LUC7L2: variants seen among roughly 807,000 people sequenced by gnomAD.
LUC7L2 encodes the protein LUC7 like 2, pre-mRNA splicing factor, also known as putative RNA-binding protein Luc7-like 2.
LUC7L2 carries 25 observed loss-of-function variants against 52.8 expected under a neutral mutation model. The observed-to-expected ratio is 0.47, with a 90% CI of 0.34 to 0.66. LUC7L2 has a LOEUF of 0.66. Among genes scored for constraint, LUC7L2 ranks in the 30% least tolerant of loss-of-function variants. LUC7L2 has a pLI of 0.01. For synonymous variants in LUC7L2, 144 were observed against 160.9 expected (o/e 0.89, Z 0.80); for missense variants, 328 against 497.8 (o/e 0.66, Z 3.25).
chr7:139,421,717 A>ATT, intron 9 of LUC7L2, among the ~76,000 whole-genome samples: 1 of 152,366 alleles, frequency 6.6e-6, no homozygotes, highest in East Asian at 1.9e-4. Flanking sequence ...TGGTTTTTAC[A>ATT]TTCTAAAAAG....
chr7:139,367,087 C>T (rs7799598), intron 1 of LUC7L2, among the ~76,000 whole-genome samples: 58,528 of 151,924 alleles, frequency 0.39, 15,753 homozygotes, highest in African/African-American at 0.77. Flanking sequence ...GGCGATTACC[C>T]TAGCTTCCCG....
chr7:139,348,216 T>A (rs931126651), intron 1 of LUC7L2, among the ~76,000 whole-genome samples: 12 of 117,484 alleles, frequency 1.0e-4, no homozygotes, highest in African/African-American at 5.5e-4. Context: ...CTTTTTTTTT[T>A]AATAGAGATG....
chr7:139,377,447 G>A (rs146442440), intron 2 of LUC7L2, among the ~76,000 whole-genome samples: 238 of 152,132 alleles, frequency 1.6e-3, no homozygotes, highest in African/African-American at 5.3e-3. Flanking sequence ...AAGCTGGAGT[G>A]CGGTGGCATG....
At chr7:139,397,806 A>G (rs150279726) in intron 2 of LUC7L2, among the ~76,000 whole-genome samples, 65 of 152,260 alleles carry the variant, frequency 4.3e-4, no homozygotes, top group Admixed American at 2.0e-3. Flanking sequence ...AATAACACCT[A>G]ATTGGAATTT....
intron 2 of LUC7L2, among the ~76,000 whole-genome samples, chr7:139,376,657 A>G (rs748790229): frequency 1.5e-4 from 23 of 152,228 alleles, no homozygotes; most frequent in South Asian, 6.2e-4. Context: ...TTTAGATTCT[A>G]TGTCTGCAGA....
intron 2 of LUC7L2, among the ~76,000 whole-genome samples, chr7:139,395,837 G>A (rs1331204776): frequency 6.6e-6 from 1 of 151,970 alleles, no homozygotes; most frequent in Non-Finnish European, 1.5e-5. Context: ...TTGTAGAGAC[G>A]GGGTTTTCTT....
At chr7:139,412,827 A>T (rs1220393682) in intron 8 of LUC7L2, 8 of 48,090 alleles carry the variant, frequency 1.7e-4, no homozygotes, top group Non-Finnish European at 2.9e-4. Flanking sequence ...TCTGTCTTTA[A>T]AAAAAAAAAA....
At position 139,398,561 on chromosome 7, in the gene LUC7L2, T is replaced by C. The variant is rs1417651855; in HGVS notation, c.157-38T>C. ...TTGTTGAAGCATTTTTTAAAAAACT[T>C]TTTTTTGTTTTAATATTATGTCTTT... On this transcript the variant is annotated intron_variant, in intron 2 of 9. Transcript: ENST00000354926. 3.2e-6 allele frequency: 5 copies of C among 1,544,490 alleles called. No individual in the cohort carries two copies. The East Asian group carries it at 1.2e-4, about 36-fold the overall frequency.
In LUC7L2 at chr7:139,398,671, G is replaced by C; in HGVS notation, c.229G>C (p.Glu77Gln). The C allele has an allele frequency of 1.2e-6, 2 of 1,611,728 alleles. No homozygotes were observed. The highest frequency in any genetic ancestry group is 1.7e-6 in the Non-Finnish European group (2 of 1,179,248). Residue 77 changes from glutamate (E) to glutamine (Q), a missense_variant, in exon 3 of 10, where the codon GAA becomes CAA. By Grantham distance (29) the Glu-to-Gln change is conservative. Transcript: ENST00000354926. ...AGCGGATTATGAAATTGCATCCAAA[G>C]AACAAGATTTTTTCTTTGAACTTGA... Reference protein sequence around the residue: ...LRADYEIASKEQDFFFELDAM... With the variant: ...LRADYEIASKQQDFFFELDAM...
rs1795959363 is a variant in LUC7L2, at chr7:139,422,852, T to A, written c.*512T>A. 2.5e-6 allele frequency: 1 copy of A among 399,116 alleles called. No individual in the cohort carries two copies. 24.7% of individuals were successfully genotyped at this position (399,116 alleles called of 1,614,324 possible). On this transcript the variant is annotated 3_prime_UTR_variant, in exon 10 of 10. Coordinates refer to ENST00000354926, the MANE Select transcript of LUC7L2 (RefSeq NM_016019.5). ...TACTAGCTGATTACAGTTCAGAGCA[T>A]TGATCCTGGAATGTGTGCTGGAGAA...
intron 2 of LUC7L2, among the ~76,000 whole-genome samples, chr7:139,396,188 C>G (rs1794657240): frequency 6.6e-6 from 1 of 151,968 alleles, no homozygotes; most frequent in African/African-American, 2.4e-5. Context: ...TACCTGTAAT[C>G]CAGCATTGGG....
chr7:139,370,664 A>G (rs1322927551), intron 1 of LUC7L2, among the ~76,000 whole-genome samples: 1 of 152,188 alleles, frequency 6.6e-6, no homozygotes, highest in East Asian at 1.9e-4. Context: ...CATGTTAGCC[A>G]GGCTGGCCTT....
intron 1 of LUC7L2, among the ~76,000 whole-genome samples, chr7:139,363,671 G>A (rs981986520): frequency 8.5e-5 from 13 of 152,134 alleles, no homozygotes; most frequent in African/African-American, 2.9e-4. Context: ...TGTTAGCAGA[G>A]GGGAGAGGGA....
At chr7:139,362,622 CTTTT>C (rs79177935) in intron 1 of LUC7L2, among the ~76,000 whole-genome samples, 1 of 114,444 alleles carries the variant, frequency 8.7e-6, no homozygotes. Context: ...CAACTCTGTC[CTTTT>C]TTTTTTTTTT....
chr7:139,398,767 C>A (rs1351451106), intron 3 of LUC7L2, 70 bp downstream of exon 3: 2 of 1,421,186 alleles, frequency 1.4e-6, no homozygotes, highest in Non-Finnish European at 1.9e-6. Flanking sequence ...GGATTAAGAT[C>A]TCTTAATAGG....
Position 139,417,639 on chromosome 7 carries a change from G to A in LUC7L2, c.911G>A (p.Arg304Lys), listed in dbSNP as rs1795681717. ...SKSREKRHRH[R>K]SRSSSRSRSR... ...TCTCGGGAGAAACGCCATCGCCACA[G>A]GTCCCGCTCCAGCAGCCGTAGCCGC... The change falls in exon 9 of 10, where the codon AGG becomes AAG. Residue 304 changes from arginine (R) to lysine (K), a missense_variant. Physicochemically the swap from Arg to Lys is conservative, Grantham distance 26. This residue lies in a region of LUC7L2 where 195 missense variants were observed against 223.3 expected (regional missense o/e 0.87). Transcript: ENST00000354926. 6.2e-7 allele frequency: 1 copy of A among 1,614,064 alleles called. No individual in the cohort carries two copies. Among genetic ancestry groups the A allele is most frequent in the African/African-American group, 1.3e-5 (1 of 74,930 alleles).
intron 1 of LUC7L2, among the ~76,000 whole-genome samples, chr7:139,360,730 C>T (rs1337812233): frequency 6.6e-6 from 1 of 152,194 alleles, no homozygotes; most frequent in Non-Finnish European, 1.5e-5. Context: ...TCCCTCGCCG[C>T]CGTCCTCCAG....
chr7:139,389,332 C>A (rs1794331191), intron 2 of LUC7L2, among the ~76,000 whole-genome samples: 1 of 152,166 alleles, frequency 6.6e-6, no homozygotes. Context: ...ACCATCTAGT[C>A]AGAGGCTGTA....
chr7:139,349,219 AAG>A (rs1376424806), intron 1 of LUC7L2, among the ~76,000 whole-genome samples: 2 of 152,350 alleles, frequency 1.3e-5, no homozygotes, highest in African/African-American at 4.8e-5. Context: ...GTGTTCAACA[AAG>A]AGAAAATCTT....
Sources: allele counts gnomAD v4.1 joint callset (sites outside exome capture counted in the v4.1 genomes callset), GRCh38; gene constraint gnomAD v4.1.1; regional missense constraint gnomAD v4.1.1; transcripts MANE v1.5; gene names NCBI Gene and HGNC (gene_info 2026-07-23, HGNC 2026-07-21).